The following LAMB4 variants were observed in gnomAD, a reference collection of about 807,000 sequenced individuals.
LAMB4 encodes the protein laminin subunit beta-4.
In LAMB4, 196 loss-of-function variants were observed where a neutral mutation model predicts 199.2. That is an observed-to-expected ratio of 0.98 (90% CI 0.88 to 1.11). LAMB4 has a LOEUF of 1.11. Ranked by LOEUF, LAMB4 falls within the 50% of genes least tolerant of loss-of-function variation. LAMB4 has a pLI of 0.00. For synonymous variants in LAMB4, 744 were observed against 770.6 expected, an observed-to-expected ratio of 0.97 and a Z score of 0.57; for missense variants, 2,080 against 2,171.2, an observed-to-expected ratio of 0.96 and a Z score of 0.83.
Position 108,043,891 on chromosome 7 carries a change from T to C in LAMB4, c.4332A>G (p.Glu1444=), listed in dbSNP as rs1211940084. 4 of 1,598,526 alleles carry C rather than the reference T, an allele frequency of 2.5e-6. No individual in the cohort carries two copies. Among genetic ancestry groups the C allele is most frequent in the Non-Finnish European group, 3.4e-6 (4 of 1,175,330 alleles). Residue 1444 remains glutamate, a synonymous_variant, in exon 29 of 34, where the codon GAA becomes GAG. Coordinates refer to ENST00000388781, the MANE Select transcript of LAMB4 (RefSeq NM_007356.3). The part of the protein sequence containing the change: ...KQVRGLKNQI[E]SISEQAEVSK... ...AGACTTCTGCCTGTTCACTTATACTTTCGATCTGGAATGAGAAAAACACAA... is the reference window on the plus strand; with the variant it reads ...AGACTTCTGCCTGTTCACTTATACTCTCGATCTGGAATGAGAAAAACACAA...
chr7:108,064,362 C>T (rs1263755457), intron 21 of LAMB4, among the ~76,000 whole-genome samples: 2 of 152,124 alleles, frequency 1.3e-5, no homozygotes, highest in Non-Finnish European at 2.9e-5. Context: ...TCAGTTGATC[C>T]TAGAGGTGAA....
At chr7:108,047,877 C>T (rs1472170034) in intron 28 of LAMB4, 31 bp downstream of exon 28, 3 of 1,573,344 alleles carry the variant, frequency 1.9e-6, no homozygotes, top group African/African-American at 2.7e-5. Context: ...ATTGCTATAA[C>T]TTTACAAATA....
chr7:108,049,639 C>T (rs2035763310), intron 26 of LAMB4, 108 bp from the exon 27 acceptor site: 2 of 596,962 alleles, frequency 3.4e-6, no homozygotes, highest in Non-Finnish European at 5.6e-6. Flanking sequence ...TTGGTCTCAA[C>T]TATCACCATA....
At chr7:108,113,296 C>T (rs987466282) in intron 3 of LAMB4, among the ~76,000 whole-genome samples, 4 of 152,288 alleles carry the variant, frequency 2.6e-5, no homozygotes, top group Admixed American at 6.5e-5. Flanking sequence ...GGGCAAGGAC[C>T]TGGTTTTATT....
intron 33 of LAMB4, among the ~76,000 whole-genome samples, chr7:108,026,314 GA>G (rs1430945182): frequency 6.6e-6 from 1 of 152,206 alleles, no homozygotes; most frequent in African/African-American, 2.4e-5. Flanking sequence ...TTGACTAATA[GA>G]AAAGCGGAAG....
At chr7:108,109,394 C>G (rs1183047242) in intron 4 of LAMB4, 150 bp from the exon 5 acceptor site, 15 of 635,352 alleles carry the variant, frequency 2.4e-5, no homozygotes, top group Non-Finnish European at 2.8e-6. Context: ...AGTGGTATCC[C>G]ATGCCACTCC....
intron 2 of LAMB4, among the ~76,000 whole-genome samples, chr7:108,121,576 C>G (rs922088744): frequency 6.6e-6 from 1 of 151,748 alleles, no homozygotes; most frequent in Admixed American, 6.6e-5. Flanking sequence ...ATGGTGAAAC[C>G]CTGTCTCTAC....
intron 14 of LAMB4, among the ~76,000 whole-genome samples, chr7:108,085,878 G>C (rs1255558618): frequency 6.6e-6 from 1 of 152,184 alleles, no homozygotes; most frequent in Non-Finnish European, 1.5e-5. Context: ...CTCCCAAAGT[G>C]CTGGGATTAC....
At chr7:108,122,479 G>T (rs1002966112) in intron 2 of LAMB4, among the ~76,000 whole-genome samples, 1 of 152,112 alleles carries the variant, frequency 6.6e-6, no homozygotes, top group Non-Finnish European at 1.5e-5. Context: ...ATTACCTCAG[G>T]GTTGGAAAAT....
intron 21 of LAMB4, among the ~76,000 whole-genome samples, chr7:108,065,398 C>A (rs1057488617): frequency 5.3e-4 from 81 of 152,040 alleles, no homozygotes; most frequent in African/African-American, 1.9e-3. Flanking sequence ...TGACTAATTC[C>A]ATTTATTTTT....
At position 108,068,017 on chromosome 7, in the gene LAMB4, G is replaced by A. The variant is rs2036401885; in HGVS notation, c.2445C>T (p.His815=). ...CCCCTTGTGTGTTTTGCTACGTACGGTGACAGCCGTGATGCCCCAAATCAT... is the reference window on the plus strand; with the variant it reads ...CCCCTTGTGTGTTTTGCTACGTACGATGACAGCCGTGATGCCCCAAATCAT... ...GSYDLGHHGC[H]PCHCHPQGSK... The change falls in exon 19 of 34, where the codon CAC becomes CAT. Residue 815 remains histidine (H), a splice_region_variant and synonymous_variant. Coordinates refer to ENST00000388781, the MANE Select transcript of LAMB4 (RefSeq NM_007356.3). The A allele has an allele frequency of 6.2e-7, 1 of 1,614,022 alleles. No individual in the cohort carries two copies. Among genetic ancestry groups the A allele is most frequent in the African/African-American group, 1.3e-5 (1 of 74,894 alleles).
At chr7:108,094,430 C>T (rs1398410569) in intron 12 of LAMB4, among the ~76,000 whole-genome samples, 2 of 152,264 alleles carry the variant, frequency 1.3e-5, no homozygotes, top group East Asian at 3.9e-4. Flanking sequence ...TTTCCCCCAC[C>T]CCCTCTGCCC....
At position 108,034,017 on chromosome 7, in the gene LAMB4, G is replaced by T. The variant is rs542650757; in HGVS notation, c.4818+191C>A. Among the ~76,000 whole-genome samples, 4 of 151,926 alleles carry T rather than the reference G, an allele frequency of 2.6e-5. No homozygotes were observed. In the East Asian group the frequency reaches 7.7e-4, roughly 29 times the overall value. On this transcript the variant is annotated intron_variant, in intron 31 of 33. Coordinates refer to ENST00000388781, the MANE Select transcript of LAMB4 (RefSeq NM_007356.3). Reference sequence around the variant, plus strand: ...CCTTGGTGCAACCCCAGAATTGGTCGCAATTAATATGACGGTGAGACGTGC... The same window carrying T: ...CCTTGGTGCAACCCCAGAATTGGTCTCAATTAATATGACGGTGAGACGTGC...
intron 28 of LAMB4, among the ~76,000 whole-genome samples, chr7:108,044,592 C>A (rs1421549315): frequency 6.6e-6 from 1 of 152,178 alleles, no homozygotes; most frequent in Non-Finnish European, 1.5e-5. Context: ...TGCCAACAAG[C>A]TGAGCTTTAT....
chr7:108,095,393 T>C (rs767684414), intron 11 of LAMB4, 56 bp from the exon 12 acceptor site: 5 of 1,263,890 alleles, frequency 4.0e-6, no homozygotes, highest in Non-Finnish European at 5.8e-6. Context: ...CTCTTGCAAG[T>C]GTACTTAATA....
intron 2 of LAMB4, among the ~76,000 whole-genome samples, chr7:108,122,155 G>C (rs1037577703): frequency 2.6e-5 from 4 of 152,248 alleles, no homozygotes; most frequent in Non-Finnish European, 4.4e-5. Context: ...GATCGGTTTA[G>C]AACTTTTGCA....
chr7:108,077,671 G>A (rs1584695802), intron 16 of LAMB4, among the ~76,000 whole-genome samples: 1 of 152,136 alleles, frequency 6.6e-6, no homozygotes, highest in South Asian at 2.1e-4. Flanking sequence ...TCTAGCCTGG[G>A]CAACAGGGCG....
chr7:108,047,766 A>G (rs2035680023), intron 28 of LAMB4, 142 bp downstream of exon 28: 1 of 661,960 alleles, frequency 1.5e-6, no homozygotes, highest in Non-Finnish European at 2.6e-6. Flanking sequence ...CTGTAATTTT[A>G]TCCTATATTT....
chr7:108,042,935 C>CTGTGTG (rs1435500482), intron 29 of LAMB4, among the ~76,000 whole-genome samples: 3 of 108,962 alleles, frequency 2.8e-5, no homozygotes, highest in African/African-American at 1.8e-4. Context: ...CTCTCTCAAT[C>CTGTGTG]TCTGTGTGTG....
Sources: gnomAD v4.1 joint callset for allele counts (sites outside exome capture counted in the v4.1 genomes callset) on GRCh38, gnomAD v4.1.1 for gene constraint, MANE v1.5 for transcripts, NCBI Gene and HGNC (gene_info 2026-07-23, HGNC 2026-07-21) for gene names.